IRAG1: variants seen among roughly 807,000 people sequenced by gnomAD.
IRAG1 encodes inositol 1,4,5-triphosphate receptor associated 1.
A neutral mutation model predicts 106.2 loss-of-function variants in IRAG1; 62 were observed. The observed-to-expected ratio is 0.58, with a 90% CI of 0.48 to 0.72. The LOEUF (loss-of-function observed/expected upper bound fraction) is 0.72. Ranked by LOEUF, IRAG1 falls within the 30% of genes least tolerant of loss-of-function variation. The pLI, the probability that IRAG1 is intolerant of heterozygous loss-of-function variation, is 0.00. For missense variants in IRAG1, 1,064 were observed against 1,140.7 expected (o/e 0.93, Z 0.97); for synonymous variants, 462 against 443.9 (o/e 1.04, Z -0.51).
At chr11:10,672,287 C>T (rs1353599403) in intron 1 of IRAG1, among the ~76,000 whole-genome samples, 1 of 152,048 alleles carries the variant, frequency 6.6e-6, no homozygotes, top group Non-Finnish European at 1.5e-5. Flanking sequence ...TAGACAATGC[C>T]TTCTTAGATA....
intron 2 of IRAG1, among the ~76,000 whole-genome samples, chr11:10,649,066 C>T (rs1051811844): frequency 5.3e-5 from 8 of 152,198 alleles, no homozygotes; most frequent in African/African-American, 1.7e-4. Flanking sequence ...TGGCCAACCC[C>T]GCTTCCTTGG....
At chr11:10,691,324 G>A (rs547996097) in intron 1 of IRAG1, among the ~76,000 whole-genome samples, 5 of 152,354 alleles carry the variant, frequency 3.3e-5, no homozygotes, top group South Asian at 2.1e-4. Flanking sequence ...TAAGGTCTCC[G>A]CCCTTGCAGG....
At chr11:10,616,902 G>T in intron 10 of IRAG1, 1 of 367,332 alleles carries the variant, frequency 2.7e-6, no homozygotes, top group Non-Finnish European at 3.8e-6. Flanking sequence ...CCCAGGACTA[G>T]CTCATTCCAA....
At chr11:10,591,724 TC>T in intron 17 of IRAG1, 112 bp from the exon 18 acceptor site, 1 of 945,768 alleles carries the variant, frequency 1.1e-6, no homozygotes, top group Non-Finnish European at 1.7e-6. Flanking sequence ...TCCTCTTTCC[TC>T]CATGCCCCCA....
chr11:10,594,899 C>T (rs1853107098), intron 15 of IRAG1, among the ~76,000 whole-genome samples: 1 of 152,120 alleles, frequency 6.6e-6, no homozygotes, highest in Non-Finnish European at 1.5e-5. Context: ...TCTTGAAAAG[C>T]ACATAGCCGT....
chr11:10,686,305 G>C (rs1353111919), intron 1 of IRAG1, among the ~76,000 whole-genome samples: 1 of 152,138 alleles, frequency 6.6e-6, no homozygotes, highest in Non-Finnish European at 1.5e-5. Flanking sequence ...GGGTGACCTC[G>C]GCAACATTTA....
intron 15 of IRAG1, among the ~76,000 whole-genome samples, chr11:10,600,320 C>A (rs1853847690): frequency 6.6e-6 from 1 of 152,180 alleles, no homozygotes; most frequent in African/African-American, 2.4e-5. Context: ...TTCTCCGTAA[C>A]ATCTCCTTCA....
At chr11:10,634,638 T>C (rs1211960156) in intron 2 of IRAG1, among the ~76,000 whole-genome samples, 1 of 152,180 alleles carries the variant, frequency 6.6e-6, no homozygotes, top group East Asian at 1.9e-4. Context: ...AGTGAGATCA[T>C]GCAGTATTGT....
chr11:10,620,090 T>C (rs905143201), intron 10 of IRAG1, among the ~76,000 whole-genome samples: 2 of 152,070 alleles, frequency 1.3e-5, no homozygotes, highest in African/African-American at 4.8e-5. Context: ...AACCAATCAA[T>C]TGCAAGTCTA....
intron 13 of IRAG1, 75 bp from the exon 14 acceptor site, chr11:10,603,326 C>A: frequency 6.5e-7 from 1 of 1,546,300 alleles, no homozygotes; most frequent in South Asian, 1.2e-5. Flanking sequence ...CCAACCTTTT[C>A]GGCCTCAGGG....
At chr11:10,593,813 A>C in intron 16 of IRAG1, 1 of 579,598 alleles carries the variant, frequency 1.7e-6, no homozygotes, top group Admixed American at 3.1e-5. Context: ...AATCTGTTCT[A>C]TTTTAGCTTA....
At chr11:10,583,028 T>C (rs934278272) in intron 18 of IRAG1, among the ~76,000 whole-genome samples, 8 of 152,166 alleles carry the variant, frequency 5.3e-5, no homozygotes, top group African/African-American at 1.9e-4. Flanking sequence ...AGGTGCTGAG[T>C]TGTTTGAGAA....
chr11:10,582,965 A>G (rs1325037099), intron 18 of IRAG1, among the ~76,000 whole-genome samples: 2 of 152,204 alleles, frequency 1.3e-5, no homozygotes, highest in African/African-American at 4.8e-5. Flanking sequence ...AAAGCAGAGG[A>G]GAGATCATTC....
In IRAG1 at chr11:10,628,448, C is replaced by T. The variant is rs1282013192; in HGVS notation, c.652+303G>A. Among the ~76,000 whole-genome samples the T allele has an allele frequency of 6.6e-6, 1 of 152,192 alleles. No homozygotes were observed. The highest frequency in any genetic ancestry group is 2.4e-5 in the African/African-American group (1 of 41,442). On this transcript the variant is annotated intron_variant, in intron 6 of 20. Transcript: ENST00000423302. The surrounding 1 kb of genome is among the most constrained non-coding windows in gnomAD (Gnocchi z 4.1). ...GCCTTTCTGTATAAGCTCTTGAGGGCTTCTCTGAGCCTCCCTGAGCCAGAG... is the reference window on the plus strand; with the variant it reads ...GCCTTTCTGTATAAGCTCTTGAGGGTTTCTCTGAGCCTCCCTGAGCCAGAG...
chr11:10,623,707 A>T (rs1591627479), intron 10 of IRAG1, 71 bp downstream of exon 10: 3 of 1,410,942 alleles, frequency 2.1e-6, no homozygotes, highest in Non-Finnish European at 3.0e-6. Flanking sequence ...GTGTTTACAC[A>T]TTCACCTTCC....
chr11:10,588,610 C>T (rs540620065), intron 18 of IRAG1, among the ~76,000 whole-genome samples: 3 of 152,340 alleles, frequency 2.0e-5, no homozygotes, highest in South Asian at 2.1e-4. Flanking sequence ...CTTGGCCTCC[C>T]AAAGTGCTGG....
At chr11:10,631,356 G>C (rs758978131) in intron 4 of IRAG1, among the ~76,000 whole-genome samples, 2 of 151,988 alleles carry the variant, frequency 1.3e-5, no homozygotes, top group Non-Finnish European at 2.9e-5. Flanking sequence ...TTCCTCCCTC[G>C]CCTATCTGTC....
rs1430463685 is a variant in IRAG1, at chr11:10,647,290, GA to G, written c.225+4734del. 1.3e-5 allele frequency among the ~76,000 whole-genome samples: 2 copies of G among 152,226 alleles called. No individual in the cohort carries two copies. The highest frequency in any genetic ancestry group is 2.9e-5 in the Non-Finnish European group (2 of 68,038). On this transcript the variant is annotated intron_variant, in intron 2 of 20. Coordinates refer to ENST00000423302, the MANE Select transcript of IRAG1 (RefSeq NM_130385.4). The surrounding 1 kb of genome is among the most constrained non-coding windows in gnomAD (Gnocchi z 4.3). ...ACTTATGAGCTGTATGACCTTGGAG[GA>G]AGGTAGTTAATTTCTTTGTGCCTCA... is the stretch of plus-strand genomic sequence containing the variant.
intron 17 of IRAG1, 109 bp downstream of exon 17, chr11:10,593,383 T>A: frequency 1.3e-6 from 1 of 784,048 alleles, no homozygotes; most frequent in South Asian, 1.8e-5. Context: ...AAATTTCCTC[T>A]CCTTGTTGAC....
Sources: gnomAD v4.1 joint callset for allele counts (sites outside exome capture counted in the v4.1 genomes callset) on GRCh38, gnomAD v4.1.1 for gene constraint, Gnocchi (gnomAD v3.1) non-coding constraint, MANE v1.5 for transcripts, NCBI Gene and HGNC (gene_info 2026-07-23, HGNC 2026-07-21) for gene names.